SYNE1: variants seen among roughly 807,000 people sequenced by gnomAD.
SYNE1 encodes spectrin repeat containing nuclear envelope protein 1.
A neutral mutation model predicts 1,111.0 loss-of-function variants in SYNE1; 616 were observed. The observed-to-expected ratio is 0.55, with a 90% CI of 0.52 to 0.59. SYNE1 has a LOEUF of 0.59. SYNE1 is among the 20% of genes least tolerant of loss of function. The probability of loss-of-function intolerance (pLI) is 0.00; values close to 1 mark genes in which losing one functional copy is unlikely to be tolerated. For synonymous variants in SYNE1, 3,855 were observed against 3,825.8 expected (o/e 1.01, Z -0.28); for missense variants, 10,006 against 10,417.0 (o/e 0.96, Z 1.72).
intron 3 of SYNE1, among the ~76,000 whole-genome samples, chr6:152,589,959 G>T (rs1406094641): frequency 6.9e-6 from 1 of 145,234 alleles, no homozygotes; most frequent in African/African-American, 2.6e-5. Flanking sequence ...TAAAGACAGG[G>T]TCTCATTCTA....
chr6:152,525,704 G>A (rs1274918835), intron 5 of SYNE1, among the ~76,000 whole-genome samples: 2 of 152,090 alleles, frequency 1.3e-5, no homozygotes, highest in African/African-American at 4.8e-5. Flanking sequence ...CACAGATATG[G>A]ACCAACATTT....
chr6:152,334,239 G>A lies in SYNE1; in HGVS notation c.12563C>T (p.Ser4188Phe). 6.2e-7 allele frequency: 1 copy of A among 1,613,922 alleles called. No individual in the cohort carries two copies. The highest frequency in any genetic ancestry group is 8.5e-7 in the Non-Finnish European group (1 of 1,180,022). The change falls in exon 77 of 146, where the codon TCC (serine) becomes TTC (phenylalanine). Residue 4188 changes from serine to phenylalanine, a missense_variant. By Grantham distance (155) the Ser-to-Phe change is radical. Coordinates refer to ENST00000367255, the MANE Select transcript of SYNE1 (RefSeq NM_182961.4). Reference sequence around the variant, plus strand: ...CACCTTTTCTATTATGGTGTTCACGGATGCCTGTTTGCTCTGTAGTTTCTT... The same window carrying A: ...CACCTTTTCTATTATGGTGTTCACGAATGCCTGTTTGCTCTGTAGTTTCTT... Reference protein sequence around the residue: ...FVKKLQSKQASVNTIIEKVNK... With the variant: ...FVKKLQSKQAFVNTIIEKVNK...
rs577888458 is a variant in SYNE1, at chr6:152,391,285, G to T, written c.7996C>A (p.Gln2666Lys). 21 of 1,613,892 alleles carry T rather than the reference G, an allele frequency of 1.3e-5. 1 individual carries two copies. In the East Asian group the frequency reaches 2.7e-4, roughly 21 times the overall value. ...SKDTLEKRLS[Q>K]IQDILLMKGE... The stretch of plus-strand genomic sequence containing the variant: ...GCTGGTGTCGCATGTACCTGTATTT[G>T]TGACAGCCGTTTCTCCAGGGTGTCT... Residue 2666 changes from glutamine (Q) to lysine (K), a missense_variant, in exon 52 of 146, where the codon CAA (glutamine) becomes AAA (lysine). Around this residue, in one of 7 missense-constraint regions of SYNE1, gnomAD observed 4,955 missense variants for 5,017.2 expected, o/e 0.99. Transcript: ENST00000367255.
intron 145 of SYNE1, chr6:152,127,172 A>G (rs2053752933): frequency 6.6e-6 from 1 of 151,924 alleles, no homozygotes; most frequent in Non-Finnish European, 1.5e-5. Flanking sequence ...CAGCTCTAAA[A>G]CCATTGTTTA....
chr6:152,375,209 C>T (rs2097259189), intron 58 of SYNE1, among the ~76,000 whole-genome samples: 1 of 152,124 alleles, frequency 6.6e-6, no homozygotes, highest in African/African-American at 2.4e-5. Context: ...TCCTAAAGTG[C>T]TGGGATTATA....
At chr6:152,623,791 C>G (rs1744372) in intron 3 of SYNE1, among the ~76,000 whole-genome samples, 102,794 of 151,988 alleles carry the variant, frequency 0.68, 34,860 homozygotes, top group Non-Finnish European at 0.71. Flanking sequence ...ATTATAAAAA[C>G]ATTTCAATCT....
At chr6:152,262,384 C>G (rs191035633) in intron 100 of SYNE1, among the ~76,000 whole-genome samples, 196 bp from the exon 101 acceptor site, 56 of 152,190 alleles carry the variant, frequency 3.7e-4, no homozygotes, top group African/African-American at 1.2e-3. Flanking sequence ...TAAACTGAAC[C>G]ATGTGCAGAA....
At chr6:152,215,577 C>T (rs2078438216) in intron 121 of SYNE1, among the ~76,000 whole-genome samples, 1 of 152,092 alleles carries the variant, frequency 6.6e-6, no homozygotes, top group Admixed American at 6.6e-5. Flanking sequence ...TTACTTCTTA[C>T]CATTTACGTT....
chr6:152,433,393 G>T, intron 34 of SYNE1: 1 of 223,500 alleles, frequency 4.5e-6, no homozygotes, highest in Non-Finnish European at 9.0e-6. Context: ...ATTGGTGTGG[G>T]TAAGTACCAC....
intron 113 of SYNE1, among the ~76,000 whole-genome samples, chr6:152,231,784 A>G (rs557408368): frequency 1.7e-4 from 26 of 148,946 alleles, no homozygotes; most frequent in South Asian, 4.2e-4. Context: ...ATACGTGTGT[A>G]TGTGTGTGTG....
At chr6:152,268,212 T>C (rs1329177065) in intron 99 of SYNE1, 47 bp from the exon 100 acceptor site, 13 of 1,445,276 alleles carry the variant, frequency 9.0e-6, no homozygotes, top group Middle Eastern at 1.7e-4. Flanking sequence ...TACTTTATGA[T>C]TATTGCCTAC....
intron 63 of SYNE1, among the ~76,000 whole-genome samples, chr6:152,363,481 A>G (rs547876443): frequency 1.0e-3 from 151 of 150,568 alleles, no homozygotes; most frequent in Admixed American, 2.3e-3. Flanking sequence ...GCGACAGAGC[A>G]AGACTCCGTC....
intron 101 of SYNE1, among the ~76,000 whole-genome samples, chr6:152,259,883 A>T (rs1217929906): frequency 6.6e-6 from 1 of 152,170 alleles, no homozygotes; most frequent in Non-Finnish European, 1.5e-5. Context: ...AAAAAAGAAC[A>T]TTCAATGCTT....
intron 97 of SYNE1, among the ~76,000 whole-genome samples, chr6:152,280,669 G>A (rs2093977181): frequency 6.6e-6 from 1 of 152,198 alleles, no homozygotes; most frequent in African/African-American, 2.4e-5. Flanking sequence ...AGAGGTGGCA[G>A]TATGATAAAA....
At chr6:152,388,119 G>A (rs973379057) in intron 53 of SYNE1, among the ~76,000 whole-genome samples, 2 of 152,078 alleles carry the variant, frequency 1.3e-5, no homozygotes, top group South Asian at 2.1e-4. Context: ...AAAATCCTGT[G>A]GTAAATGAAC....
intron 34 of SYNE1, among the ~76,000 whole-genome samples, chr6:152,431,297 G>A (rs2098425996): frequency 6.6e-6 from 1 of 152,166 alleles, no homozygotes; most frequent in Non-Finnish European, 1.5e-5. Flanking sequence ...GACTTACTAA[G>A]TCTAAGGTGG....
At chr6:152,396,578 A>T (rs2097734503) in intron 50 of SYNE1, among the ~76,000 whole-genome samples, 197 bp downstream of exon 50, 1 of 152,196 alleles carries the variant, frequency 6.6e-6, no homozygotes, top group Non-Finnish European at 1.5e-5. Flanking sequence ...TCTCTATATT[A>T]AAAAAAGCCA....
chr6:152,332,798 G>A (rs1731132036), intron 77 of SYNE1, among the ~76,000 whole-genome samples: 1 of 152,154 alleles, frequency 6.6e-6, no homozygotes, highest in Admixed American at 6.5e-5. Flanking sequence ...CTTTGACTAT[G>A]AAGCACACAT....
intron 55 of SYNE1, among the ~76,000 whole-genome samples, chr6:152,385,098 T>C (rs2097503994): frequency 6.6e-6 from 1 of 152,058 alleles, no homozygotes; most frequent in Non-Finnish European, 1.5e-5. Flanking sequence ...CCATTTTCCA[T>C]GGGGGAAAAT....
Sources: allele counts gnomAD v4.1 joint callset (sites outside exome capture counted in the v4.1 genomes callset), GRCh38; gene constraint gnomAD v4.1.1; regional missense constraint gnomAD v4.1.1; transcripts MANE v1.5; gene names NCBI Gene and HGNC (gene_info 2026-07-23, HGNC 2026-07-21).